BAZ2A: variants seen among roughly 807,000 people sequenced by gnomAD.
BAZ2A encodes the protein bromodomain adjacent to zinc finger domain protein 2A.
Under a neutral mutation model 199.9 loss-of-function variants are expected in BAZ2A, and 34 were observed. The observed-to-expected ratio is 0.17, with a 90% CI of 0.13 to 0.23. The LOEUF is 0.23. Ranked by LOEUF, BAZ2A falls within the 10% of genes least tolerant of loss-of-function variation. The pLI is 1.00. For synonymous variants in BAZ2A, 857 were observed against 883.9 expected (o/e 0.97, Z 0.54); for missense variants, 2,002 against 2,391.1 (o/e 0.84, Z 3.39).
chr12:56,601,508 A>T (rs747816335), intron 20 of BAZ2A, 38 bp downstream of exon 20: 1 of 1,601,148 alleles, frequency 6.2e-7, no homozygotes, highest in South Asian at 1.1e-5. Flanking sequence ...CTGTGGCAAG[A>T]TGAAATCAAG....
upstream of BAZ2A, among the ~76,000 whole-genome samples, chr12:56,634,332 G>A (rs958846063): frequency 6.6e-6 from 1 of 152,162 alleles, no homozygotes; most frequent in Non-Finnish European, 1.5e-5. Context: ...GGTTCTGGGG[G>A]AGGGGCCTTC....
intron 1 of BAZ2A, 99 bp from the exon 2 acceptor site, chr12:56,617,631 C>T: frequency 7.6e-7 from 1 of 1,317,060 alleles, no homozygotes; most frequent in Non-Finnish European, 1.0e-6. Flanking sequence ...CCTCCACCTA[C>T]TTACCCTTCT....
chr12:56,617,462 G>A lies in BAZ2A; in HGVS notation c.69C>T (p.Pro23=). Residue 23 remains proline (P), a synonymous_variant, in exon 2 of 29, where the codon CCC becomes CCT. Transcript: ENST00000549884. ...PPAPAASGLK[P]SPSSGEGLYT... is the part of the protein sequence containing the mutation. ...AGAGGCCCTCCCCTGAGGAAGGAGA[G>A]GGTTTCAGTCCTGAGGCAGCAGGTG... 6.2e-7 allele frequency: 1 copy of A among 1,608,862 alleles called. No homozygotes were observed. Among genetic ancestry groups the A allele is most frequent in the Non-Finnish European group, 8.5e-7 (1 of 1,177,806 alleles).
chr12:56,604,694 G>C lies in BAZ2A; in HGVS notation c.2854C>G (p.Leu952Val). 2 of 1,613,554 alleles carry C rather than the reference G, an allele frequency of 1.2e-6. No individual in the cohort carries two copies. The highest frequency in any genetic ancestry group is 1.7e-6 in the Non-Finnish European group (2 of 1,179,746). Residue 952 changes from leucine to valine, a missense_variant, in exon 15 of 29, where the codon CTC becomes GTC. By Grantham distance (32) the Leu-to-Val change is conservative. Around this residue, in one of 6 missense-constraint regions of BAZ2A, gnomAD observed 1,081 missense variants for 1,274.7 expected, o/e 0.85. Coordinates refer to ENST00000549884, the MANE Select transcript of BAZ2A (RefSeq NM_001300905.2). The part of the protein sequence containing the change: ...FLMAYGVEPA[L>V]CDRLRTQPFQ... ...GGCTGGGTGCGCAGGCGGTCACAGA[G>C]GGCTGGCTCTACTCCATATGCCATA...
chr12:56,628,126 G>A (rs1321144012), intron 1 of BAZ2A, among the ~76,000 whole-genome samples: 1 of 115,302 alleles, frequency 8.7e-6, no homozygotes, highest in African/African-American at 3.4e-5. Context: ...AGGTTGCAGT[G>A]AGACAAGATC....
At chr12:56,598,827 A>G in intron 28 of BAZ2A, 41 bp downstream of exon 28, 1 of 1,609,204 alleles carries the variant, frequency 6.2e-7, no homozygotes. Context: ...TAGGAGTTGC[A>G]GCAGTAGCAA....
intron 1 of BAZ2A, chr12:56,621,023 G>T: frequency 2.1e-6 from 2 of 969,346 alleles, no homozygotes; most frequent in Non-Finnish European, 2.5e-6. Flanking sequence ...AGAGCAAGGA[G>T]GACACTCTTC....
chr12:56,604,070 C>A (rs1241084064), intron 16 of BAZ2A, 147 bp downstream of exon 16: 2 of 746,356 alleles, frequency 2.7e-6, no homozygotes, highest in East Asian at 5.4e-5. Flanking sequence ...AAAAGAAATA[C>A]CTTGACTCTA....
Position 56,615,275 on chromosome 12 carries a change from C to A in BAZ2A, c.469G>T (p.Gly157Trp). ...FWANGTQSPM[G>W]LNFDSQELYD... ...AGTTCTTGTGAATCAAAGTTAAGCC[C>A]CATGGGACTCTGGGTACCGTTGGCC... The change falls in exon 3 of 29, where the codon GGG (glycine) becomes TGG (tryptophan). Residue 157 changes from glycine to tryptophan, a missense_variant. Transcript: ENST00000549884. The A allele has an allele frequency of 6.2e-7, 1 of 1,613,918 alleles. No individual in the cohort carries two copies. Among genetic ancestry groups the A allele is most frequent in the Non-Finnish European group, 8.5e-7 (1 of 1,179,882 alleles).
intron 1 of BAZ2A, among the ~76,000 whole-genome samples, chr12:56,619,508 C>CA (rs397850754): frequency 0.29 from 24,578 of 84,500 alleles, 2,788 homozygotes; most frequent in Middle Eastern, 0.42. Flanking sequence ...GACCCTGTCT[C>CA]AAAAAAAAAA....
In BAZ2A at chr12:56,605,186, C is replaced by A. The variant is rs769222522; in HGVS notation, c.2635G>T (p.Val879Phe). 6.2e-7 allele frequency: 1 copy of A among 1,613,766 alleles called. No homozygotes were observed. The highest frequency in any genetic ancestry group is 1.1e-5 in the South Asian group (1 of 91,068). Reference protein sequence around the residue: ...DPAKDVPSLGVLQEGLLCQGD... With the variant: ...DPAKDVPSLGFLQEGLLCQGD... ...TGACACAGGAGTCCCTCCTGCAGGA[C>A]CCCCAGGCTAGGCACATCTTTGGCA... The change falls in exon 14 of 29, where the codon GTC becomes TTC. Residue 879 changes from valine to phenylalanine, a missense_variant. Transcript: ENST00000549884.
intron 26 of BAZ2A, 115 bp from the exon 27 acceptor site, chr12:56,599,473 C>CAAA: frequency 7.6e-7 from 1 of 1,319,630 alleles, no homozygotes; most frequent in South Asian, 1.4e-5. Context: ...CATAAGCCGG[C>CAAA]ATTGGTTTAT....
intron 7 of BAZ2A, among the ~76,000 whole-genome samples, chr12:56,611,082 G>C (rs565945766): frequency 1.3e-5 from 2 of 152,186 alleles, no homozygotes; most frequent in East Asian, 3.8e-4. Flanking sequence ...TTGAGGGGCA[G>C]GGGTGGGGAA....
upstream of BAZ2A, among the ~76,000 whole-genome samples, chr12:56,632,321 G>A (rs1419263892): frequency 6.6e-6 from 1 of 152,204 alleles, no homozygotes; most frequent in East Asian, 1.9e-4. Context: ...CGGGATGGGG[G>A]TGTGGGTAAG....
chr12:56,610,659 G>C, intron 7 of BAZ2A, 142 bp from the exon 8 acceptor site: 1 of 709,892 alleles, frequency 1.4e-6, no homozygotes, highest in Non-Finnish European at 2.4e-6. Flanking sequence ...AGCACCAAGA[G>C]AGATAAGCTT....
upstream of BAZ2A, among the ~76,000 whole-genome samples, chr12:56,632,526 C>T (rs1951341781): frequency 6.6e-6 from 1 of 152,136 alleles, no homozygotes; most frequent in South Asian, 2.1e-4. Flanking sequence ...CACTCTGCTC[C>T]GGAAGAGCCG....
At chr12:56,620,864 AT>A (rs2137185478) in intron 1 of BAZ2A, among the ~76,000 whole-genome samples, 1 of 152,178 alleles carries the variant, frequency 6.6e-6, no homozygotes, top group South Asian at 2.1e-4. Context: ...CCCAGTCAGG[AT>A]TTCCCTAGTA....
chr12:56,606,778 A>G (rs1950369926), intron 10 of BAZ2A, 45 bp from the exon 11 acceptor site: 1 of 1,529,840 alleles, frequency 6.5e-7, no homozygotes, highest in Non-Finnish European at 9.1e-7. Flanking sequence ...GCAGGAAGGC[A>G]GTTCTCTAGC....
chr12:56,602,592 G>T, intron 19 of BAZ2A, 121 bp downstream of exon 19: 1 of 1,321,258 alleles, frequency 7.6e-7, no homozygotes, highest in Non-Finnish European at 1.0e-6. Context: ...TAAAATCTGT[G>T]CTCTTAACCA....
Sources: allele counts gnomAD v4.1 joint callset (sites outside exome capture counted in the v4.1 genomes callset), GRCh38; gene constraint gnomAD v4.1.1; regional missense constraint gnomAD v4.1.1; transcripts MANE v1.5; gene names NCBI Gene and HGNC (gene_info 2026-07-23, HGNC 2026-07-21).